Variants in NUP210L observed in about 807,000 individuals in gnomAD.
NUP210L encodes the protein nucleoporin 210 like, also known as nuclear pore membrane glycoprotein 210-like.
NUP210L carries 74 observed loss-of-function variants against 208.5 expected under a neutral mutation model. That is an observed-to-expected ratio of 0.35 (90% CI 0.29 to 0.43). NUP210L has a LOEUF of 0.43. Among genes scored for constraint, NUP210L ranks in the 20% least tolerant of loss-of-function variants. NUP210L has a pLI of 1.00. For missense variants in NUP210L, 1,843 were observed against 2,289.4 expected, an observed-to-expected ratio of 0.81 and a Z score of 3.98; for synonymous variants, 780 against 816.9, an observed-to-expected ratio of 0.95 and a Z score of 0.77.
chr1:154,145,278 C>A (rs868474880), intron 2 of NUP210L, among the ~76,000 whole-genome samples: 1 of 151,404 alleles, frequency 6.6e-6, no homozygotes, highest in Non-Finnish European at 1.5e-5. Flanking sequence ...ATTAGCCGGG[C>A]GTGGTGGTGC....
At chr1:154,065,558 G>A (rs1339185631) in intron 17 of NUP210L, among the ~76,000 whole-genome samples, 1 of 152,056 alleles carries the variant, frequency 6.6e-6, no homozygotes, top group Non-Finnish European at 1.5e-5. Flanking sequence ...AAGATAAAAG[G>A]TGACACGTGA....
chr1:154,123,879 T>TA (rs964551595), intron 10 of NUP210L, among the ~76,000 whole-genome samples: 79 of 114,000 alleles, frequency 6.9e-4, no homozygotes, highest in Middle Eastern at 7.7e-3. Context: ...CTGTCTCAAT[T>TA]AAAAAAAAAA....
At chr1:154,039,437 T>C (rs969881516) in intron 27 of NUP210L, among the ~76,000 whole-genome samples, 1 of 152,058 alleles carries the variant, frequency 6.6e-6, no homozygotes, top group Non-Finnish European at 1.5e-5. Flanking sequence ...GGTTTCACCA[T>C]GTTGGCTAGG....
At chr1:154,007,700 G>C (rs1449568086) in intron 35 of NUP210L, among the ~76,000 whole-genome samples, 1 of 151,840 alleles carries the variant, frequency 6.6e-6, no homozygotes, top group Non-Finnish European at 1.5e-5. Context: ...AGCCTCCTGA[G>C]TAGCTGGGAC....
intron 27 of NUP210L, among the ~76,000 whole-genome samples, chr1:154,038,856 G>A (rs1258983940): frequency 6.6e-6 from 1 of 152,074 alleles, no homozygotes; most frequent in South Asian, 2.1e-4. Flanking sequence ...CACTGGTTGC[G>A]TAAACACACA....
At chr1:154,019,314 A>G (rs1025748129) in intron 32 of NUP210L, among the ~76,000 whole-genome samples, 1 of 152,246 alleles carries the variant, frequency 6.6e-6, no homozygotes, top group African/African-American at 2.4e-5. Context: ...TGGGAAAAAG[A>G]GAAGCTCTTT....
At chr1:154,139,005 C>T (rs1363254522) in intron 5 of NUP210L, among the ~76,000 whole-genome samples, 2 of 152,088 alleles carry the variant, frequency 1.3e-5, no homozygotes, top group Non-Finnish European at 2.9e-5. Flanking sequence ...TGGTGGCTCA[C>T]GCCTGTAATC....
intron 12 of NUP210L, among the ~76,000 whole-genome samples, chr1:154,109,880 C>T (rs942241053): frequency 6.6e-6 from 1 of 150,764 alleles, no homozygotes; most frequent in African/African-American, 2.5e-5. Flanking sequence ...CATAACAAAA[C>T]CTATGAGATA....
intron 16 of NUP210L, among the ~76,000 whole-genome samples, chr1:154,087,339 A>AGG (rs139494385): frequency 4.7e-5 from 7 of 148,878 alleles, no homozygotes; most frequent in African/African-American, 1.7e-4. Flanking sequence ...AAAAAAAAAA[A>AGG]GGGGCAACAT....
intron 38 of NUP210L, 139 bp from the exon 39 acceptor site, chr1:153,993,228 AT>A (rs1649581631): frequency 1.7e-6 from 1 of 597,278 alleles, no homozygotes; most frequent in Admixed American, 3.4e-5. Context: ...GGAAGTTTTT[AT>A]CCCAATTTAA....
chr1:154,043,244 T>C (rs2147966232), intron 27 of NUP210L, among the ~76,000 whole-genome samples: 1 of 152,212 alleles, frequency 6.6e-6, no homozygotes, highest in East Asian at 1.9e-4. Context: ...GGTCTTGAAC[T>C]CCTGGGCTCA....
chr1:154,143,800 C>T (rs942344882), intron 2 of NUP210L, among the ~76,000 whole-genome samples: 1 of 152,116 alleles, frequency 6.6e-6, no homozygotes, highest in Non-Finnish European at 1.5e-5. Flanking sequence ...GATGTTTCTA[C>T]TCATCCATGG....
exon 28 of NUP210L, chr1:154,029,905 T>C (rs1652114965): frequency 6.2e-7 from 1 of 1,606,848 alleles, no homozygotes; most frequent in Non-Finnish European, 8.5e-7. Context: ...CCAGGATCTG[T>C]ACTTCATCAG....
At chr1:154,152,807 T>G (rs777481057) in exon 2 of NUP210L, 1 of 1,614,002 alleles carries the variant, frequency 6.2e-7, no homozygotes, top group Non-Finnish European at 8.5e-7. Context: ...TACAGCTTTT[T>G]GGGAACACAA....
chr1:154,127,368 T>C (rs745912966), exon 9 of NUP210L: 1 of 1,608,580 alleles, frequency 6.2e-7, no homozygotes, highest in Non-Finnish European at 8.5e-7. Context: ...TAATGACATA[T>C]ACCTGTCCCA....
chr1:154,010,821 G>A (rs951201299), intron 34 of NUP210L, among the ~76,000 whole-genome samples: 1 of 152,016 alleles, frequency 6.6e-6, no homozygotes, highest in Non-Finnish European at 1.5e-5. Flanking sequence ...AGTGAGCCGA[G>A]ATTGCGCCAT....
At chr1:154,088,746 G>A (rs1029295947) in intron 16 of NUP210L, among the ~76,000 whole-genome samples, 1 of 152,086 alleles carries the variant, frequency 6.6e-6, no homozygotes, top group African/African-American at 2.4e-5. Flanking sequence ...CTTTTAGGAG[G>A]CTCGGTTTTC....
At chr1:154,054,460 C>A in intron 24 of NUP210L, 53 bp from the exon 25 acceptor site, 1 of 1,549,558 alleles carries the variant, frequency 6.5e-7, no homozygotes, top group East Asian at 2.3e-5. Context: ...GAAATCATGT[C>A]TCTTTTCCCA....
chr1:154,141,701 A>G (rs1658859560), intron 3 of NUP210L, among the ~76,000 whole-genome samples, 177 bp from the exon 4 acceptor site: 1 of 152,200 alleles, frequency 6.6e-6, no homozygotes, highest in South Asian at 2.1e-4. Flanking sequence ...CCCTACACAA[A>G]CAATAAATGA....
Sources: allele counts gnomAD v4.1 joint callset (sites outside exome capture counted in the v4.1 genomes callset), GRCh38; gene constraint gnomAD v4.1.1; transcripts MANE v1.5; gene names NCBI Gene and HGNC (gene_info 2026-07-23, HGNC 2026-07-21).